Variants in PIR observed in about 807,000 individuals in gnomAD.
PIR encodes pirin, also known as pirin (iron-binding nuclear protein).
In PIR, 22 loss-of-function variants were observed where a neutral mutation model predicts 24.2. The observed-to-expected ratio is 0.91, with a 90% confidence interval of 0.65 to 1.30. PIR has a LOEUF of 1.30. Ranked by LOEUF, PIR falls within the 50% of genes most tolerant of loss-of-function variation. The pLI, the probability that PIR is intolerant of heterozygous loss-of-function variation, is 0.00. For synonymous variants in PIR, 80 were observed against 79.6 expected, an observed-to-expected ratio of 1.00 and a Z score of -0.03; for missense variants, 220 against 220.3, an observed-to-expected ratio of 1.00 and a Z score of 0.01.
intron 2 of PIR, among the ~76,000 whole-genome samples, chrX:15,480,699 C>T (rs1333498906): frequency 8.9e-6 from 1 of 111,752 alleles, no homozygotes; most frequent in Admixed American, 9.5e-5. Flanking sequence ...GAAAGATATT[C>T]CAGGTAGAAA....
chrX:15,418,400 A>C (rs1569198041), intron 6 of PIR, among the ~76,000 whole-genome samples: 2 of 112,457 alleles, frequency 1.8e-5, no homozygotes, highest in Non-Finnish European at 3.7e-5. Flanking sequence ...AGTTTACAGC[A>C]AAAGGAAAGT....
At chrX:15,463,807 A>G (rs113287968) in intron 3 of PIR, among the ~76,000 whole-genome samples, 3,871 of 112,584 alleles carry the variant, frequency 0.034, 162 homozygotes, top group African/African-American at 0.12. Flanking sequence ...GAATGATGTT[A>G]GAACAAATGA....
rs756723171 is a variant in PIR at position 15,384,995 on chromosome X, C to T, written c.*9G>A. ...TAGGACACATCAAGACCTGCTCTTC[C>T]GCTTTCCACTAGTTCCCAATCTTTG... On this transcript the variant is annotated 3_prime_UTR_variant, in exon 10 of 10. Transcript: ENST00000380420. 38 of 1,048,820 alleles carry T rather than the reference C, an allele frequency of 3.6e-5. No homozygotes were observed. Among genetic ancestry groups the T allele is most frequent in the East Asian group, 9.1e-5 (3 of 32,938 alleles). 86.4% of individuals were successfully genotyped at this position (1,048,820 alleles called of 1,213,427 possible).
chrX:15,461,695 A>C (rs1002779830), intron 3 of PIR, among the ~76,000 whole-genome samples: 4 of 112,172 alleles, frequency 3.6e-5, no homozygotes, highest in African/African-American at 1.3e-4. Flanking sequence ...AAGCAGGAGA[A>C]TCACTTCAAC....
chrX:15,483,338 T>G (rs1718685093), intron 2 of PIR, among the ~76,000 whole-genome samples: 1 of 110,500 alleles, frequency 9.0e-6, no homozygotes, highest in African/African-American at 3.3e-5. Context: ...TAAATTCAAA[T>G]TATTTATTGA....
intron 2 of PIR, among the ~76,000 whole-genome samples, chrX:15,487,175 TG>T (rs755593796): frequency 5.9e-4 from 66 of 112,185 alleles, no homozygotes; most frequent in African/African-American, 1.6e-3. Flanking sequence ...GGACTTGAGC[TG>T]TGACTATATG....
At chrX:15,492,810 A>G (rs1162074635) in intron 1 of PIR, among the ~76,000 whole-genome samples, 1 of 112,067 alleles carries the variant, frequency 8.9e-6, no homozygotes, top group Non-Finnish European at 1.9e-5. Context: ...TCCTCCCTGA[A>G]TAGTAATCGA....
At chrX:15,419,130 A>T (rs1925026120) in intron 6 of PIR, among the ~76,000 whole-genome samples, 1 of 111,731 alleles carries the variant, frequency 9.0e-6, no homozygotes, top group Non-Finnish European at 1.9e-5. Context: ...TGGAAAAAAA[A>T]AAAAGACAAA....
rs112944334 is a variant in PIR at position 15,455,766 on chromosome X, TA to T, written c.480+81del. On this transcript the variant is annotated intron_variant, in intron 5 of 9. Coordinates refer to ENST00000380420, the MANE Select transcript of PIR (RefSeq NM_001018109.3). ...CATGGGACATGAATTTTGGTAAACC[TA>T]GTGAGAGCTAACAATCCAGAAGGGG... 8.6e-3 allele frequency: 6,531 copies of T among 760,519 alleles called. 252 individuals carry two copies. In the African/African-American group the frequency reaches 0.11, roughly 13 times the overall value. The allele number at this position is 760,519 out of a possible 1,213,427, so 62.7% of individuals were successfully genotyped here.
Position 15,390,168 on chromosome X carries a change from T to G in PIR, c.760+17A>C. On this transcript the variant is annotated intron_variant, in intron 9 of 9. Transcript: ENST00000380420. ...AAGGAAAATCAACCAAGAAAATCAT[T>G]GTCATTTTGGTCTTACCATGTTGGA... The G allele has an allele frequency of 5.0e-6, 5 of 991,883 alleles. No individual in the cohort carries two copies. In the South Asian group the frequency reaches 9.7e-5, roughly 19 times the overall value. The allele number at this position is 991,883 out of a possible 1,213,427, so 81.7% of individuals were successfully genotyped here.
intron 6 of PIR, among the ~76,000 whole-genome samples, chrX:15,410,034 C>T (rs1456418640): frequency 1.8e-5 from 2 of 110,761 alleles, no homozygotes; most frequent in Non-Finnish European, 3.8e-5. Context: ...GAGCAGATCA[C>T]GAGGTCAAGA....
intron 2 of PIR, among the ~76,000 whole-genome samples, chrX:15,486,480 C>A (rs1400131131): frequency 9.1e-6 from 1 of 110,059 alleles, no homozygotes; most frequent in African/African-American, 3.3e-5. Flanking sequence ...ACTGAACTTA[C>A]AATAATTCTG....
chrX:15,411,038 C>G (rs1009771795), intron 6 of PIR, among the ~76,000 whole-genome samples: 4 of 111,803 alleles, frequency 3.6e-5, no homozygotes, highest in Non-Finnish European at 7.5e-5. Context: ...CACCTCTCCT[C>G]CCACTTTTAT....
chrX:15,491,807 C>G (rs1923180639), intron 1 of PIR, among the ~76,000 whole-genome samples: 1 of 111,235 alleles, frequency 9.0e-6, no homozygotes, highest in African/African-American at 3.3e-5. Context: ...GAACAATAGG[C>G]TATACCATAT....
intron 6 of PIR, among the ~76,000 whole-genome samples, chrX:15,425,215 A>G (rs1457694050): frequency 9.1e-6 from 1 of 109,556 alleles, no homozygotes; most frequent in East Asian, 2.9e-4. Flanking sequence ...CTTCAGGAAC[A>G]CTGTGAGTCA....
chrX:15,395,077 G>A (rs1054278058), intron 8 of PIR, among the ~76,000 whole-genome samples: 3 of 111,722 alleles, frequency 2.7e-5, no homozygotes, highest in African/African-American at 6.5e-5. Context: ...TGGGATTGGC[G>A]CGGCACTGGG....
At chrX:15,397,658 C>T (rs3829989) in intron 7 of PIR, 127 bp from the exon 8 acceptor site, 242,363 of 440,814 alleles carry the variant, frequency 0.55, 47,829 homozygotes, top group Non-Finnish European at 0.59. Flanking sequence ...CTTAGTAATT[C>T]CCTTGAATCT....
intron 5 of PIR, among the ~76,000 whole-genome samples, chrX:15,451,840 C>T (rs1920968821): frequency 8.9e-6 from 1 of 112,446 alleles, no homozygotes; most frequent in South Asian, 3.7e-4. Context: ...TTGTAGGCCA[C>T]ATGAAAACTG....
intron 3 of PIR, among the ~76,000 whole-genome samples, chrX:15,465,707 G>A (rs922768274): frequency 8.9e-6 from 1 of 112,013 alleles, no homozygotes; most frequent in African/African-American, 3.3e-5. Flanking sequence ...TTCCTTGTGT[G>A]TTTGTGTTTG....
Sources: gnomAD v4.1 joint callset for allele counts (sites outside exome capture counted in the v4.1 genomes callset) on GRCh38, gnomAD v4.1.1 for gene constraint, MANE v1.5 for transcripts, NCBI Gene and HGNC (gene_info 2026-07-23, HGNC 2026-07-21) for gene names.